The following ARMC7 variants were observed in gnomAD, a reference collection of about 807,000 sequenced individuals.
ARMC7 encodes the protein armadillo repeat-containing protein 7.
ARMC7 carries 9 observed loss-of-function variants against 14.8 expected under a neutral mutation model. The ratio of observed to expected loss-of-function variants is 0.61; its 90% CI spans 0.37 to 1.06. The LOEUF (loss-of-function observed/expected upper bound fraction) is 1.06. Among genes scored for constraint, ARMC7 ranks in the 50% least tolerant of loss-of-function variants. The probability of loss-of-function intolerance (pLI) is 0.01; values close to 1 mark genes in which losing one functional copy is unlikely to be tolerated. For missense variants in ARMC7, 262 were observed against 267.1 expected (o/e 0.98, Z 0.13); for synonymous variants, 125 against 123.4 (o/e 1.01, Z -0.09).
At chr17:75,119,000 AC>A (rs893979280) in intron 2 of ARMC7, among the ~76,000 whole-genome samples, 4 of 151,652 alleles carry the variant, frequency 2.6e-5, no homozygotes, top group Non-Finnish European at 4.4e-5. Context: ...CCAGGCTCAG[AC>A]TCTAGTCCCT....
At chr17:75,111,120 G>A (rs1259553817) in intron 2 of ARMC7, among the ~76,000 whole-genome samples, 1 of 151,210 alleles carries the variant, frequency 6.6e-6, no homozygotes, top group Non-Finnish European at 1.5e-5. Context: ...GTGAGACCAT[G>A]TCTCAAAAAA....
intron 2 of ARMC7, among the ~76,000 whole-genome samples, chr17:75,121,340 C>G (rs1568017566): frequency 6.6e-6 from 1 of 152,180 alleles, no homozygotes; most frequent in Non-Finnish European, 1.5e-5. Context: ...TGAGAAGCTG[C>G]CAAATCACTT....
intron 2 of ARMC7, among the ~76,000 whole-genome samples, chr17:75,119,434 C>CTGTGATA (rs1247203005): frequency 4.0e-5 from 6 of 149,282 alleles, no homozygotes; most frequent in African/African-American, 1.2e-4. Context: ...TCTGAAAATA[C>CTGTGATA]CCTGTGATAC....
At chr17:75,126,571 T>C (rs529838729) in intron 2 of ARMC7, among the ~76,000 whole-genome samples, 1 of 151,144 alleles carries the variant, frequency 6.6e-6, no homozygotes, top group South Asian at 2.1e-4. Flanking sequence ...TCACAATACA[T>C]TGTTTTTTTG....
chr17:75,120,040 G>A (rs2074002541), intron 2 of ARMC7, among the ~76,000 whole-genome samples: 1 of 152,146 alleles, frequency 6.6e-6, no homozygotes, highest in African/African-American at 2.4e-5. Context: ...AAGTAGCTGG[G>A]ACTACAGGTG....
At chr17:75,122,346 T>C (rs535598175) in intron 2 of ARMC7, among the ~76,000 whole-genome samples, 88 of 151,654 alleles carry the variant, frequency 5.8e-4, no homozygotes, top group African/African-American at 9.7e-4. Flanking sequence ...CAAAAAAGAA[T>C]AATATCTTTT....
chr17:75,129,077 G>C lies in ARMC7; in HGVS notation c.*39G>C. 6.4e-7 allele frequency: 1 copy of C among 1,565,300 alleles called. No homozygotes were observed. ...CGAGACCGTGGCACCCCTACTGCTGGAGACCACAGTCCTGATGTGGACGCA... is the reference window on the plus strand; with the variant it reads ...CGAGACCGTGGCACCCCTACTGCTGCAGACCACAGTCCTGATGTGGACGCA... On this transcript the variant is annotated 3_prime_UTR_variant, in exon 3 of 3. Coordinates refer to ENST00000245543, the MANE Select transcript of ARMC7 (RefSeq NM_024585.4).
chr17:75,128,783 G>A lies in ARMC7; in HGVS notation c.342G>A (p.Thr114=), dbSNP rs1190136418. 2 of 1,613,376 alleles carry A rather than the reference G, an allele frequency of 1.2e-6. No homozygotes were observed. The highest frequency in any genetic ancestry group is 2.2e-5 in the East Asian group (1 of 44,876). The change falls in exon 3 of 3, where the codon ACG becomes ACA. Residue 114 remains threonine (T), a synonymous_variant. Transcript: ENST00000245543. The part of the protein sequence containing the change: ...INCLSSPNEE[T]VLSAITTLMH... Reference sequence around the variant, plus strand: ...GCCTATCCAGCCCCAATGAGGAGACGGTGCTGTCTGCCATCACCACGCTCA... The same window carrying A: ...GCCTATCCAGCCCCAATGAGGAGACAGTGCTGTCTGCCATCACCACGCTCA...
intron 2 of ARMC7, among the ~76,000 whole-genome samples, chr17:75,127,053 C>T (rs1222651784): frequency 2.1e-5 from 2 of 95,764 alleles, no homozygotes; most frequent in African/African-American, 7.4e-5. Context: ...CAGGGCAAAA[C>T]TGTCTCAAAA....
At chr17:75,119,472 G>A (rs1177827583) in intron 2 of ARMC7, among the ~76,000 whole-genome samples, 15 of 126,902 alleles carry the variant, frequency 1.2e-4, no homozygotes, top group South Asian at 2.6e-4. Flanking sequence ...TTTTTGAGAC[G>A]GAGTTTCGCT....
intron 2 of ARMC7, among the ~76,000 whole-genome samples, chr17:75,118,884 G>T (rs2073991796): frequency 6.6e-6 from 1 of 152,222 alleles, no homozygotes; most frequent in Non-Finnish European, 1.5e-5. Flanking sequence ...CACCAAGTGA[G>T]GGCAAGTCCA....
intron 2 of ARMC7, among the ~76,000 whole-genome samples, chr17:75,121,500 G>A (rs1011608879): frequency 6.6e-6 from 1 of 152,102 alleles, no homozygotes; most frequent in Admixed American, 6.6e-5. Flanking sequence ...TGCAACCTCC[G>A]CCTCCTGGGT....
At chr17:75,112,573 CTTT>C (rs549730217) in intron 2 of ARMC7, among the ~76,000 whole-genome samples, 40 of 100,448 alleles carry the variant, frequency 4.0e-4, no homozygotes, top group Admixed American at 9.1e-4. Context: ...TTCTCTTTTT[CTTT>C]TTTTTTTTTT....
At chr17:75,122,125 A>G (rs1446690207) in intron 2 of ARMC7, among the ~76,000 whole-genome samples, 3 of 151,852 alleles carry the variant, frequency 2.0e-5, no homozygotes, top group Non-Finnish European at 4.4e-5. Flanking sequence ...CAGGGTCAGG[A>G]GTTCAAGATA....
chr17:75,112,267 C>T (rs867902211), intron 2 of ARMC7, among the ~76,000 whole-genome samples: 1 of 152,132 alleles, frequency 6.6e-6, no homozygotes, highest in Non-Finnish European at 1.5e-5. Flanking sequence ...TTGAAGCAAA[C>T]AAAATTTTGA....
chr17:75,121,231 A>C (rs2074011277), intron 2 of ARMC7, among the ~76,000 whole-genome samples: 1 of 152,308 alleles, frequency 6.6e-6, no homozygotes, highest in South Asian at 2.1e-4. Flanking sequence ...AAGCTTTATG[A>C]ATGAAGCTGT....
chr17:75,113,303 C>T (rs1279794414), intron 2 of ARMC7, among the ~76,000 whole-genome samples: 2 of 150,230 alleles, frequency 1.3e-5, no homozygotes, highest in Non-Finnish European at 3.0e-5. Context: ...GGGTTACAGT[C>T]GTGAGCCACC....
chr17:75,114,005 A>G (rs1195109622), intron 2 of ARMC7, among the ~76,000 whole-genome samples: 1 of 152,246 alleles, frequency 6.6e-6, no homozygotes, highest in East Asian at 1.9e-4. Flanking sequence ...ACAGAGGACC[A>G]GAGTGGGGCC....
chr17:75,120,168 C>G (rs955465625), intron 2 of ARMC7, among the ~76,000 whole-genome samples: 1 of 152,066 alleles, frequency 6.6e-6, no homozygotes, highest in African/African-American at 2.4e-5. Flanking sequence ...TCCCAAAGTG[C>G]TGGGATTACA....
Sources: gnomAD v4.1 joint callset for allele counts (sites outside exome capture counted in the v4.1 genomes callset) on GRCh38, gnomAD v4.1.1 for gene constraint, MANE v1.5 for transcripts, NCBI Gene and HGNC (gene_info 2026-07-23, HGNC 2026-07-21) for gene names.